The following PPARD variants were observed in gnomAD, a reference collection of about 807,000 sequenced individuals.
The protein encoded by PPARD is peroxisome proliferator-activated receptor delta.
A neutral mutation model predicts 39.5 loss-of-function variants in PPARD; 6 were observed. The observed-to-expected ratio is 0.15, with a 90% CI of 0.08 to 0.30. PPARD has a LOEUF of 0.30. PPARD is among the 10% of genes least tolerant of loss of function. The pLI, the probability that PPARD is intolerant of heterozygous loss-of-function variation, is 1.00. For missense variants in PPARD, 397 were observed against 596.8 expected (o/e 0.67, Z 3.49); for synonymous variants, 210 against 231.3 (o/e 0.91, Z 0.83).
intron 2 of PPARD, among the ~76,000 whole-genome samples, chr6:35,361,893 T>TA (rs1397692931): frequency 1.3e-5 from 2 of 152,196 alleles, no homozygotes; most frequent in African/African-American, 2.4e-5. Flanking sequence ...ATCTGACTAG[T>TA]AATAAACAGT....
intron 2 of PPARD, among the ~76,000 whole-genome samples, chr6:35,390,423 C>G (rs1763943067): frequency 6.6e-6 from 1 of 152,138 alleles, no homozygotes; most frequent in Non-Finnish European, 1.5e-5. Context: ...GCTGGAGCTA[C>G]TAGGTGGAAT....
chr6:35,396,653 A>G (rs1003635558), intron 2 of PPARD, among the ~76,000 whole-genome samples: 1 of 151,538 alleles, frequency 6.6e-6, no homozygotes, highest in Non-Finnish European at 1.5e-5. Flanking sequence ...ACGTGGTGAA[A>G]TCCCGTCTTT....
chr6:35,423,836 G>C (rs146294378), intron 5 of PPARD, 110 bp from the exon 6 acceptor site: 1 of 989,718 alleles, frequency 1.0e-6, no homozygotes, highest in East Asian at 2.6e-5. Flanking sequence ...GAGCTTCTGG[G>C]GGCCTTAGGC....
chr6:35,410,218 G>A lies in PPARD; in HGVS notation c.-101-769G>A, dbSNP rs139278853. Reference sequence around the variant, plus strand: ...TTCTCCTGATCCTTCCACAAGGTCTGGTGCAGACATTTCCCCGCTGGGAGA... The same window carrying A: ...TTCTCCTGATCCTTCCACAAGGTCTAGTGCAGACATTTCCCCGCTGGGAGA... On this transcript the variant is annotated intron_variant, in intron 2 of 7. Coordinates refer to ENST00000360694, the MANE Select transcript of PPARD (RefSeq NM_006238.5). Among the ~76,000 whole-genome samples, 3 of 152,318 alleles carry A rather than the reference G, an allele frequency of 2.0e-5. No individual in the cohort carries two copies. In the East Asian group the frequency reaches 5.8e-4, roughly 29 times the overall value.
chr6:35,357,010 A>G (rs781084524), intron 2 of PPARD, among the ~76,000 whole-genome samples: 4 of 150,894 alleles, frequency 2.7e-5, no homozygotes, highest in African/African-American at 4.8e-5. Context: ...GAGAGTGTCC[A>G]CAATGTACAG....
intron 1 of PPARD, among the ~76,000 whole-genome samples, chr6:35,344,788 T>G (rs1488750381): frequency 2.0e-5 from 3 of 152,190 alleles, no homozygotes; most frequent in Non-Finnish European, 4.4e-5. Context: ...TTTGTAATCC[T>G]CTTGTACACT....
chr6:35,391,815 T>C lies in PPARD; in HGVS notation c.-101-19172T>C, dbSNP rs1487578066. Reference sequence around the variant, plus strand: ...ATGTGAGACTGTACGTATAAGGAAATAGACACTCAGAGAAGTGAAGCAGTT... The same window carrying C: ...ATGTGAGACTGTACGTATAAGGAAACAGACACTCAGAGAAGTGAAGCAGTT... On this transcript the variant is annotated intron_variant, in intron 2 of 7. Transcript: ENST00000360694. Among the ~76,000 whole-genome samples, 3 of 152,110 alleles carry C rather than the reference T, an allele frequency of 2.0e-5. No individual in the cohort carries two copies. The East Asian group carries it at 5.8e-4, about 29-fold the overall frequency.
At chr6:35,405,288 C>T (rs1286968079) in intron 2 of PPARD, among the ~76,000 whole-genome samples, 1 of 152,140 alleles carries the variant, frequency 6.6e-6, no homozygotes, top group Non-Finnish European at 1.5e-5. Context: ...ATCTGCCTGC[C>T]TCAGCCTCCC....
intron 1 of PPARD, among the ~76,000 whole-genome samples, chr6:35,344,047 C>T (rs1792025984): frequency 6.6e-6 from 1 of 152,052 alleles, no homozygotes; most frequent in Non-Finnish European, 1.5e-5. Context: ...GGCTGGCGGG[C>T]ATCTGTCCCC....
At chr6:35,414,136 A>C (rs1290147167) in intron 3 of PPARD, among the ~76,000 whole-genome samples, 1 of 152,186 alleles carries the variant, frequency 6.6e-6, no homozygotes, top group African/African-American at 2.4e-5. Flanking sequence ...GGAACTGGTT[A>C]TGTAAACTGT....
intron 2 of PPARD, among the ~76,000 whole-genome samples, chr6:35,364,531 T>C (rs73411771): frequency 0.047 from 7,117 of 151,742 alleles, 387 homozygotes; most frequent in African/African-American, 0.13. Flanking sequence ...CCTCCCTGGT[T>C]CAAGCAATTT....
chr6:35,345,514 C>T (rs1792117057), intron 1 of PPARD, among the ~76,000 whole-genome samples: 1 of 152,154 alleles, frequency 6.6e-6, no homozygotes, highest in Non-Finnish European at 1.5e-5. Context: ...TGGCCTCAAG[C>T]AGTCCTCCTC....
chr6:35,371,522 C>T (rs1762481218), intron 2 of PPARD, among the ~76,000 whole-genome samples: 1 of 152,138 alleles, frequency 6.6e-6, no homozygotes, highest in Non-Finnish European at 1.5e-5. Flanking sequence ...CTGCTCTTTG[C>T]ATATCCCCTT....
chr6:35,425,791 C>T lies in PPARD; in HGVS notation c.1079-41C>T, dbSNP rs779084409. 36 of 1,605,020 alleles carry T rather than the reference C, an allele frequency of 2.2e-5. No homozygotes were observed. Among genetic ancestry groups the T allele is most frequent in the African/African-American group, 4.0e-5 (3 of 74,838 alleles). On this transcript the variant is annotated intron_variant, in intron 7 of 7. Transcript: ENST00000360694. The surrounding 1 kb of genome is among the most constrained non-coding windows in gnomAD (Gnocchi z 4.5). ...TTGGGGTGGAAGTAGGGGAGCTCCACTGCCTTTCTGAGCTCCCTGGCGTGC... is the reference window on the plus strand; with the variant it reads ...TTGGGGTGGAAGTAGGGGAGCTCCATTGCCTTTCTGAGCTCCCTGGCGTGC...
At chr6:35,348,628 C>T (rs2150420943) in intron 2 of PPARD, 1 of 985,394 alleles carries the variant, frequency 1.0e-6, no homozygotes, top group South Asian at 4.7e-5. Context: ...CCTTCTCTGC[C>T]TTTAACACCC....
At chr6:35,384,907 A>T (rs1162341526) in intron 2 of PPARD, among the ~76,000 whole-genome samples, 5 of 122,472 alleles carry the variant, frequency 4.1e-5, no homozygotes, top group Non-Finnish European at 8.3e-5. Flanking sequence ...GGCCGCCCCT[A>T]CTGGGAAGTG....
intron 2 of PPARD, among the ~76,000 whole-genome samples, chr6:35,404,433 A>C: frequency 6.6e-6 from 1 of 152,210 alleles, no homozygotes; most frequent in East Asian, 1.9e-4. Flanking sequence ...GCTCTGGTAC[A>C]GTAAGAAGGT....
chr6:35,384,788 G>T (rs1763483728), intron 2 of PPARD, among the ~76,000 whole-genome samples: 1 of 10,732 alleles, frequency 9.3e-5, no homozygotes, highest in Non-Finnish European at 3.5e-4. Context: ...GAGGGAGGTG[G>T]GGGGGTCAGG....
Position 35,421,836 on chromosome 6 carries a change from C to T in PPARD, c.302C>T (p.Thr101Met), listed in dbSNP as rs200121630. ...CEGCKGFFRR[T>M]IRMKLEYEKC... ...GTGCTTCAGGGCTTCTTCCGTCGTACGATCCGCATGAAGCTGGAGTACGAG... is the reference window on the plus strand; with the variant it reads ...GTGCTTCAGGGCTTCTTCCGTCGTATGATCCGCATGAAGCTGGAGTACGAG... Residue 101 changes from threonine (T) to methionine (M), a missense_variant, in exon 5 of 8, where the codon ACG becomes ATG. By Grantham distance (81) the Thr-to-Met change is moderately conservative. Transcript: ENST00000360694. 2 of 1,612,248 alleles carry T rather than the reference C, an allele frequency of 1.2e-6. No homozygotes were observed. The highest frequency in any genetic ancestry group is 8.5e-7 in the Non-Finnish European group (1 of 1,179,012).
Sources: gnomAD v4.1 joint callset for allele counts (sites outside exome capture counted in the v4.1 genomes callset) on GRCh38, gnomAD v4.1.1 for gene constraint, Gnocchi (gnomAD v3.1) non-coding constraint, MANE v1.5 for transcripts, NCBI Gene and HGNC (gene_info 2026-07-23, HGNC 2026-07-21) for gene names.